Variants in ANKRD36C observed in about 807,000 individuals in gnomAD.
The protein encoded by ANKRD36C is ankyrin repeat domain-containing protein 36C.
Under a neutral mutation model 276.4 loss-of-function variants are expected in ANKRD36C, and 61 were observed. The observed-to-expected ratio is 0.22, with a 90% confidence interval of 0.18 to 0.27. ANKRD36C has a LOEUF of 0.27. ANKRD36C is among the 10% of genes least tolerant of loss of function. The pLI is 1.00. For missense variants in ANKRD36C, 1,447 were observed against 2,032.3 expected, an observed-to-expected ratio of 0.71 and a Z score of 5.54; for synonymous variants, 483 against 680.1, an observed-to-expected ratio of 0.71 and a Z score of 4.51.
chr2:95,938,792 A>C, intron 22 of ANKRD36C, 37 bp downstream of exon 22: 1 of 1,537,548 alleles, frequency 6.5e-7, no homozygotes, highest in Non-Finnish European at 8.7e-7. Flanking sequence ...ATTTTCATCT[A>C]CATTTTCTAG....
intron 38 of ANKRD36C, 88 bp from the exon 41 acceptor site, chr2:95,914,391 T>TCTTCCTGC: frequency 1.4e-6 from 2 of 1,467,498 alleles, no homozygotes; most frequent in Middle Eastern, 2.4e-4. Flanking sequence ...TCAACCTCTG[T>TCTTCCTGC]CTTCCTGCCT....
At chr2:95,982,362 C>G in exon 4 of ANKRD36C, 1 of 1,537,276 alleles carries the variant, frequency 6.5e-7, no homozygotes, top group Middle Eastern at 1.7e-4. Flanking sequence ...GGATATTCAT[C>G]CTGTAAAATA....
chr2:95,947,858 G>T (rs955057819), intron 17 of ANKRD36C, among the ~76,000 whole-genome samples: 5 of 151,976 alleles, frequency 3.3e-5, no homozygotes, highest in African/African-American at 1.2e-4. Flanking sequence ...TTGCTGTATT[G>T]CCAAGCTTGG....
chr2:95,952,090 A>T (rs1678211142), intron 14 of ANKRD36C, among the ~76,000 whole-genome samples: 1 of 152,312 alleles, frequency 6.6e-6, no homozygotes, highest in Admixed American at 6.5e-5. Context: ...GAAAGAATAG[A>T]CACTAAAGAC....
intron 60 of ANKRD36C, among the ~76,000 whole-genome samples, chr2:95,863,387 C>T (rs548456921): frequency 2.0e-5 from 3 of 152,212 alleles, no homozygotes; most frequent in African/African-American, 4.8e-5. Flanking sequence ...GCTGGCTATG[C>T]TGGTGAATTC....
chr2:95,856,061 G>A (rs1675404872), exon 63 of ANKRD36C: 1 of 1,596,232 alleles, frequency 6.3e-7, no homozygotes, highest in Admixed American at 1.8e-5. Flanking sequence ...AGTCTTTTAA[G>A]TATTTCTTTT....
intron 24 of ANKRD36C, among the ~76,000 whole-genome samples, chr2:95,933,570 G>T (rs1464386136): frequency 2.6e-5 from 4 of 151,946 alleles, no homozygotes; most frequent in Non-Finnish European, 5.9e-5. Flanking sequence ...TGATGATTTT[G>T]CTGTTTGTCT....
chr2:95,914,511 T>G (rs936911026), intron 38 of ANKRD36C, among the ~76,000 whole-genome samples: 4 of 151,420 alleles, frequency 2.6e-5, no homozygotes, highest in African/African-American at 9.7e-5. Flanking sequence ...TCTTAGAATT[T>G]CAAACATGGT....
intron 13 of ANKRD36C, among the ~76,000 whole-genome samples, chr2:95,956,154 G>A (rs1275406824): frequency 6.6e-6 from 1 of 152,098 alleles, no homozygotes; most frequent in Non-Finnish European, 1.5e-5. Flanking sequence ...GCTAAATATA[G>A]TTATCATAAC....
Position 95,960,638 on chromosome 2 carries a change from C to T in ANKRD36C, c.930+1G>A. The T allele has an allele frequency of 7.7e-7, 1 of 1,295,240 alleles. No homozygotes were observed. Among genetic ancestry groups the T allele is most frequent in the Non-Finnish European group, 1.0e-6 (1 of 954,394 alleles). The allele number at this position is 1,295,240 out of a possible 1,614,324, so 80.2% of individuals were successfully genotyped here. On this transcript the variant is annotated splice_donor_variant, in intron 9 of 66. Coordinates refer to ENST00000456556, the Ensembl canonical transcript of ANKRD36C. LOFTEE classifies it high-confidence loss of function. ...TCAAAATATGAATGAGAGTATAATA[C>T]CTTCAAGGCCGGTTGTTTCTGAGAA...
rs868611717 is a variant in ANKRD36C at position 95,982,193 on chromosome 2, C to T, written c.593+63G>A. The T allele has an allele frequency of 5.5e-5, 71 of 1,296,358 alleles. 2 individuals carry two copies. The Middle Eastern group carries it at 7.1e-3, about 129-fold the overall frequency. The allele number at this position is 1,296,358 out of a possible 1,614,324, so 80.3% of individuals were successfully genotyped here. On this transcript the variant is annotated intron_variant, in intron 4 of 66. Transcript: ENST00000456556. Reference sequence around the variant, plus strand: ...AATGTAAAATTTGTGACTTCAGTGACCGCTACCACTCTAAAATGACACTCA... The same window carrying T: ...AATGTAAAATTTGTGACTTCAGTGATCGCTACCACTCTAAAATGACACTCA...
chr2:95,980,627 C>T, intron 5 of ANKRD36C, 21 bp downstream of exon 5: 1 of 1,606,170 alleles, frequency 6.2e-7, no homozygotes, highest in Non-Finnish European at 8.5e-7. Flanking sequence ...TGTTCATTAG[C>T]CTTTTTATGT....
intron 42 of ANKRD36C, chr2:95,908,671 T>C (rs1290846294): frequency 6.4e-7 from 1 of 1,562,578 alleles, no homozygotes; most frequent in East Asian, 2.4e-5. Context: ...TTCATTACCT[T>C]CAAGCCTGGT....
chr2:95,982,205 TA>T, intron 4 of ANKRD36C, 50 bp downstream of exon 4: 1 of 1,388,476 alleles, frequency 7.2e-7, no homozygotes, highest in Non-Finnish European at 9.7e-7. Context: ...GCTACCACTC[TA>T]AAATGACACT....
At position 95,912,077 on chromosome 2, in the gene ANKRD36C, T is replaced by C. The variant is rs1676944855; in HGVS notation, c.2653+167A>G. ...GTATAATCTTACAGTGAAGATCATG[T>C]TCCAGACCAGCAGCATCAGCATAAC... On this transcript the variant is annotated intron_variant, in intron 42 of 66. Transcript: ENST00000456556. 1.3e-5 allele frequency among the ~76,000 whole-genome samples: 2 copies of C among 151,544 alleles called. 1 individual carries two copies. Among genetic ancestry groups the C allele is most frequent in the South Asian group, 4.1e-4 (2 of 4,824 alleles).
At position 95,856,466 on chromosome 2, in the gene ANKRD36C, A is replaced by G. The variant is rs562434523; in HGVS notation, c.4081-286T>C. Among the ~76,000 whole-genome samples, 155 of 152,276 alleles carry G rather than the reference A, an allele frequency of 1.0e-3. 1 individual carries two copies. The highest frequency in any genetic ancestry group is 3.6e-3 in the African/African-American group (149 of 41,570). ...AAAAAAAGGCTTTTACTGAATTACA[A>G]CAAATTGCAAGGCATAAAGAATTAA... On this transcript the variant is annotated intron_variant, in intron 62 of 66. Coordinates refer to ENST00000456556, the Ensembl canonical transcript of ANKRD36C.
intron 60 of ANKRD36C, among the ~76,000 whole-genome samples, chr2:95,862,210 G>T (rs1259662350): frequency 5.3e-5 from 8 of 151,990 alleles, no homozygotes; most frequent in Admixed American, 3.9e-4. Context: ...AGCGAGAATA[G>T]ACTTGAACAA....
chr2:95,927,786 A>C (rs951809817), intron 26 of ANKRD36C, among the ~76,000 whole-genome samples: 41 of 151,642 alleles, frequency 2.7e-4, no homozygotes, highest in African/African-American at 9.4e-4. Flanking sequence ...GCAAGAAATC[A>C]AAAGGATTTA....
At chr2:95,890,029 G>T in intron 46 of ANKRD36C, 35 bp from the exon 67 acceptor site, 1 of 1,599,148 alleles carries the variant, frequency 6.3e-7, no homozygotes, top group Non-Finnish European at 8.6e-7. Flanking sequence ...TCACTCATAC[G>T]TAAATATGAT....
Sources: allele counts gnomAD v4.1 joint callset (sites outside exome capture counted in the v4.1 genomes callset), GRCh38; gene constraint gnomAD v4.1.1; transcripts MANE v1.5; gene names NCBI Gene and HGNC (gene_info 2026-07-23, HGNC 2026-07-21).